ZMAT4: variants seen among roughly 807,000 people sequenced by gnomAD.
ZMAT4 encodes the protein zinc finger matrin-type protein 4.
A neutral mutation model predicts 28.7 loss-of-function variants in ZMAT4; 17 were observed. The ratio of observed to expected loss-of-function variants is 0.59; its 90% CI spans 0.41 to 0.89. The LOEUF (loss-of-function observed/expected upper bound fraction) is 0.89, where lower values mean the gene tolerates loss of function less well. Among genes scored for constraint, ZMAT4 ranks in the 40% least tolerant of loss-of-function variants. ZMAT4 has a pLI of 0.00. For synonymous variants in ZMAT4, 117 were observed against 109.2 expected, an observed-to-expected ratio of 1.07 and a Z score of -0.44; for missense variants, 240 against 283.8, an observed-to-expected ratio of 0.85 and a Z score of 1.11.
At position 40,764,755 on chromosome 8, in the gene ZMAT4, T is replaced by A. The variant is rs146512485; in HGVS notation, c.192+2886A>T. Among the ~76,000 whole-genome samples, 45 of 152,280 alleles carry A rather than the reference T, an allele frequency of 3.0e-4. 1 individual carries two copies. The highest frequency in any genetic ancestry group is 9.9e-4 in the African/African-American group (41 of 41,550). ...CAGTAATAATAATACATGCAGAAAG[T>A]GCTTTGAAAACAAAATGCTAAATAA... On this transcript the variant is annotated intron_variant, in intron 3 of 6. Coordinates refer to ENST00000297737, the MANE Select transcript of ZMAT4 (RefSeq NM_024645.3).
intron 5 of ZMAT4, among the ~76,000 whole-genome samples, chr8:40,586,260 TA>T (rs1804669395): frequency 6.6e-6 from 1 of 152,160 alleles, no homozygotes; most frequent in Non-Finnish European, 1.5e-5. Flanking sequence ...AACATCTTAT[TA>T]AACCAAAAAA....
intron 3 of ZMAT4, among the ~76,000 whole-genome samples, chr8:40,727,395 GCAC>G (rs1378783132): frequency 6.6e-6 from 1 of 152,154 alleles, no homozygotes; most frequent in Admixed American, 6.6e-5. Context: ...AGCCAGAATA[GCAC>G]CACCGATCCA....
chr8:40,875,232 T>G (rs1173447553), intron 1 of ZMAT4, among the ~76,000 whole-genome samples: 1 of 152,110 alleles, frequency 6.6e-6, no homozygotes, highest in Admixed American at 6.5e-5. Context: ...TGCCCACGTG[T>G]CCCCTCCCAT....
intron 1 of ZMAT4, among the ~76,000 whole-genome samples, chr8:40,872,580 G>A (rs1817900327): frequency 1.3e-5 from 2 of 152,336 alleles, no homozygotes; most frequent in South Asian, 4.1e-4. Flanking sequence ...TAGGGGGCCA[G>A]GGGGATTGCC....
In ZMAT4 at chr8:40,776,513, T is replaced by C. The variant is rs1374381953; in HGVS notation, c.103-8783A>G. On this transcript the variant is annotated intron_variant, in intron 2 of 6. Coordinates refer to ENST00000297737, the MANE Select transcript of ZMAT4 (RefSeq NM_024645.3). Reference sequence around the variant, plus strand: ...CTGGAGGAACAGTTTTCTGTGGTGTTCAGTACAGAGCTAAATATGTCTCTA... The same window carrying C: ...CTGGAGGAACAGTTTTCTGTGGTGTCCAGTACAGAGCTAAATATGTCTCTA... Among the ~76,000 whole-genome samples, 3 of 152,188 alleles carry C rather than the reference T, an allele frequency of 2.0e-5. No homozygotes were observed. The East Asian group carries it at 5.8e-4, about 29-fold the overall frequency.
chr8:40,895,910 G>C (rs1387015690), intron 1 of ZMAT4, among the ~76,000 whole-genome samples: 1 of 152,172 alleles, frequency 6.6e-6, no homozygotes, highest in Non-Finnish European at 1.5e-5. Flanking sequence ...AGAGGACGAC[G>C]TCCATGACTA....
chr8:40,756,852 T>G (rs767258277), intron 3 of ZMAT4, among the ~76,000 whole-genome samples: 40 of 152,164 alleles, frequency 2.6e-4, no homozygotes, highest in Non-Finnish European at 2.4e-4. Flanking sequence ...GACACATTAT[T>G]TGATATACAT....
intron 1 of ZMAT4, among the ~76,000 whole-genome samples, chr8:40,864,654 C>A (rs1369483414): frequency 6.6e-6 from 1 of 152,126 alleles, no homozygotes. Flanking sequence ...ATTTTAAATT[C>A]TTTGTCTCAG....
intron 3 of ZMAT4, among the ~76,000 whole-genome samples, chr8:40,725,415 A>G (rs1811277922): frequency 6.6e-6 from 1 of 152,172 alleles, no homozygotes; most frequent in African/African-American, 2.4e-5. Context: ...ATGTATTAGT[A>G]TTAATCAGAG....
intron 1 of ZMAT4, among the ~76,000 whole-genome samples, chr8:40,861,900 C>A (rs1353818582): frequency 6.6e-6 from 1 of 152,036 alleles, no homozygotes; most frequent in Non-Finnish European, 1.5e-5. Context: ...GAATGGCAAT[C>A]ATTAAAAAGT....
chr8:40,851,589 T>A (rs1220438176), intron 1 of ZMAT4, among the ~76,000 whole-genome samples: 1 of 152,348 alleles, frequency 6.6e-6, no homozygotes, highest in African/African-American at 2.4e-5. Context: ...TGCAACATTT[T>A]ATTTTTAATT....
At chr8:40,573,524 A>C (rs1289170329) in intron 6 of ZMAT4, among the ~76,000 whole-genome samples, 1 of 152,108 alleles carries the variant, frequency 6.6e-6, no homozygotes, top group Admixed American at 6.6e-5. Flanking sequence ...CTTACTGTAG[A>C]TTTCGGATGA....
intron 5 of ZMAT4, among the ~76,000 whole-genome samples, chr8:40,591,328 G>A (rs1313172644): frequency 6.6e-6 from 1 of 152,134 alleles, no homozygotes; most frequent in East Asian, 1.9e-4. Flanking sequence ...TCATGCATGG[G>A]GCAAGGCCAA....
At chr8:40,832,573 G>T (rs1816326480) in intron 1 of ZMAT4, among the ~76,000 whole-genome samples, 1 of 152,114 alleles carries the variant, frequency 6.6e-6, no homozygotes, top group South Asian at 2.1e-4. Flanking sequence ...CTGGCCCCGA[G>T]CCCAGCTGCC....
intron 4 of ZMAT4, among the ~76,000 whole-genome samples, chr8:40,693,765 T>C (rs774835708): frequency 1.1e-4 from 16 of 152,222 alleles, no homozygotes; most frequent in Middle Eastern, 3.2e-3. Flanking sequence ...TCAGAAATTC[T>C]AGTAAACATG....
At chr8:40,850,893 C>T (rs1334673771) in intron 1 of ZMAT4, among the ~76,000 whole-genome samples, 2 of 152,112 alleles carry the variant, frequency 1.3e-5, no homozygotes, top group Non-Finnish European at 2.9e-5. Context: ...TTCAAAAGGG[C>T]TTTTGTCTAT....
chr8:40,778,714 C>T (rs1412044113), intron 2 of ZMAT4, among the ~76,000 whole-genome samples: 1 of 152,202 alleles, frequency 6.6e-6, no homozygotes, highest in Non-Finnish European at 1.5e-5. Context: ...AGCTGCAATT[C>T]CATTATCACC....
chr8:40,706,131 C>G (rs1011939237), intron 3 of ZMAT4, among the ~76,000 whole-genome samples: 2 of 152,120 alleles, frequency 1.3e-5, no homozygotes, highest in Non-Finnish European at 2.9e-5. Flanking sequence ...CAGCTCACTG[C>G]GAACTCAGCC....
At chr8:40,816,750 T>C (rs1294205027) in intron 2 of ZMAT4, among the ~76,000 whole-genome samples, 1 of 152,236 alleles carries the variant, frequency 6.6e-6, no homozygotes, top group Non-Finnish European at 1.5e-5. Flanking sequence ...ATTTTGTTAC[T>C]ATATTCATTA....
Sources: gnomAD v4.1 joint callset for allele counts (sites outside exome capture counted in the v4.1 genomes callset) on GRCh38, gnomAD v4.1.1 for gene constraint, MANE v1.5 for transcripts, NCBI Gene and HGNC (gene_info 2026-07-23, HGNC 2026-07-21) for gene names.